GPRC6A: variants seen among roughly 807,000 people sequenced by gnomAD.
GPRC6A encodes G protein-coupled receptor class C group 6 member A, also known as G protein-coupled receptor family C group 6 member A.
GPRC6A carries 54 observed loss-of-function variants against 47.0 expected under a neutral mutation model. The ratio of observed to expected loss-of-function variants is 1.15; its 90% CI spans 0.92 to 1.44. The LOEUF (loss-of-function observed/expected upper bound fraction) is 1.44, where lower values mean the gene tolerates loss of function less well. GPRC6A is among the 40% of genes most tolerant of loss of function. The probability of loss-of-function intolerance (pLI) is 0.00; values close to 1 mark genes in which losing one functional copy is unlikely to be tolerated. For synonymous variants in GPRC6A, 347 were observed against 377.1 expected, an observed-to-expected ratio of 0.92 and a Z score of 0.93; for missense variants, 1,112 against 1,105.5, an observed-to-expected ratio of 1.01 and a Z score of -0.08.
intron 1 of GPRC6A, among the ~76,000 whole-genome samples, chr6:116,819,647 T>A (rs2114616379): frequency 6.6e-6 from 1 of 152,268 alleles, no homozygotes; most frequent in Admixed American, 6.5e-5. Flanking sequence ...ATAAAGATGT[T>A]CTTTGAAACC....
chr6:116,795,451 A>C (rs1562477991), intron 5 of GPRC6A, among the ~76,000 whole-genome samples: 1 of 152,172 alleles, frequency 6.6e-6, no homozygotes, highest in East Asian at 1.9e-4. Context: ...TGCATACTTT[A>C]AAAAATATGA....
chr6:116,823,635 C>A (rs1275839434), intron 1 of GPRC6A, among the ~76,000 whole-genome samples: 2 of 152,056 alleles, frequency 1.3e-5, no homozygotes, highest in African/African-American at 4.8e-5. Flanking sequence ...CCCCACCTCT[C>A]TGGTACCAAG....
intron 4 of GPRC6A, among the ~76,000 whole-genome samples, chr6:116,798,718 A>G (rs913569714): frequency 3.9e-5 from 6 of 151,946 alleles, no homozygotes; most frequent in Non-Finnish European, 7.4e-5. Context: ...CCTCGTCTCT[A>G]CTAAAAATAC....
intron 3 of GPRC6A, among the ~76,000 whole-genome samples, chr6:116,801,565 A>G (rs982691188): frequency 6.6e-6 from 1 of 152,160 alleles, no homozygotes; most frequent in African/African-American, 2.4e-5. Flanking sequence ...TTTGTTGGGT[A>G]TAAAATCTAT....
Position 116,801,758 on chromosome 6 carries a change from C to T in GPRC6A, c.1336-962G>A, listed in dbSNP as rs569252465. Among the ~76,000 whole-genome samples the T allele has an allele frequency of 1.1e-4, 17 of 152,176 alleles. No homozygotes were observed. The East Asian group carries it at 1.4e-3, about 12-fold the overall frequency. On this transcript the variant is annotated intron_variant, in intron 3 of 5. Transcript: ENST00000310357. ...AAATGTTACTTTAGCAGAATGTCTACGTGTGTGTATTTATGTCCCCACAGA... is the reference window on the plus strand; with the variant it reads ...AAATGTTACTTTAGCAGAATGTCTATGTGTGTGTATTTATGTCCCCACAGA...
intron 1 of GPRC6A, among the ~76,000 whole-genome samples, chr6:116,821,854 A>G (rs1773495236): frequency 6.6e-6 from 1 of 151,138 alleles, no homozygotes. Flanking sequence ...GCCAAAATTG[A>G]CAAATGGGAT....
chr6:116,806,312 G>T, intron 3 of GPRC6A, 58 bp downstream of exon 3: 1 of 1,068,902 alleles, frequency 9.4e-7, no homozygotes, highest in Non-Finnish European at 1.4e-6. Context: ...ATTAAAACAA[G>T]GGAGGAAATG....
chr6:116,808,679 C>G (rs1316448629), intron 2 of GPRC6A, among the ~76,000 whole-genome samples: 1 of 152,016 alleles, frequency 6.6e-6, no homozygotes, highest in Non-Finnish European at 1.5e-5. Context: ...AAGCCTTTTT[C>G]TTTTCTAACT....
chr6:116,816,970 G>A (rs1020498797), intron 1 of GPRC6A, among the ~76,000 whole-genome samples: 14 of 152,222 alleles, frequency 9.2e-5, no homozygotes, highest in African/African-American at 2.6e-4. Context: ...AGGGGCGCCC[G>A]CCATTGCCCA....
chr6:116,800,878 T>C (rs1343887603), intron 3 of GPRC6A, 82 bp from the exon 4 acceptor site: 2 of 793,576 alleles, frequency 2.5e-6, no homozygotes, highest in Admixed American at 2.2e-5. Context: ...CACTGCCTTA[T>C]AAAGCATATC....
chr6:116,798,852 T>C (rs960625808), intron 4 of GPRC6A, among the ~76,000 whole-genome samples: 1 of 145,984 alleles, frequency 6.9e-6, no homozygotes, highest in South Asian at 2.1e-4. Flanking sequence ...CACTGCATAC[T>C]AGCCTGGATG....
rs763243636 is a variant in GPRC6A, at chr6:116,792,649, G to A, written c.2274C>T (p.Tyr758=). ...SILAFGTMLG[Y]IAILAFICFI... is the part of the protein sequence containing the mutation. Reference sequence around the variant, plus strand: ...AGCAAATGAAGGCCAGGATGGCAATGTAGCCCAGCATGGTGCCAAATGCAA... The same window carrying A: ...AGCAAATGAAGGCCAGGATGGCAATATAGCCCAGCATGGTGCCAAATGCAA... Residue 758 remains tyrosine (Y), a synonymous_variant, in exon 6 of 6, where the codon TAC becomes TAT. Coordinates refer to ENST00000310357, the MANE Select transcript of GPRC6A (RefSeq NM_148963.4). 3.4e-5 allele frequency: 55 copies of A among 1,613,492 alleles called. No individual in the cohort carries two copies. Among genetic ancestry groups the A allele is most frequent in the African/African-American group, 8.0e-5 (6 of 74,912 alleles).
chr6:116,828,690 A>G (rs1038012784), intron 1 of GPRC6A, 130 bp downstream of exon 1: 4 of 720,964 alleles, frequency 5.5e-6, no homozygotes, highest in Admixed American at 6.3e-5. Context: ...AAGATTAACC[A>G]TATGCAACTT....
chr6:116,823,258 C>T (rs1582481401), intron 1 of GPRC6A, among the ~76,000 whole-genome samples: 1 of 152,224 alleles, frequency 6.6e-6, no homozygotes, highest in East Asian at 1.9e-4. Context: ...AAATTCTTGA[C>T]TGCTTTGCTG....
intron 1 of GPRC6A, among the ~76,000 whole-genome samples, chr6:116,820,937 C>T (rs911019189): frequency 1.4e-4 from 21 of 152,254 alleles, no homozygotes; most frequent in African/African-American, 4.6e-4. Context: ...TTGCAGATGA[C>T]ATGATTGTAT....
intron 1 of GPRC6A, among the ~76,000 whole-genome samples, chr6:116,820,611 A>G (rs1773433271): frequency 6.7e-6 from 1 of 149,832 alleles, no homozygotes; most frequent in East Asian, 2.0e-4. Flanking sequence ...CAAAAACCAC[A>G]TGATTATCTC....
At chr6:116,816,778 A>G (rs1773225797) in intron 1 of GPRC6A, among the ~76,000 whole-genome samples, 1 of 152,184 alleles carries the variant, frequency 6.6e-6, no homozygotes, top group Non-Finnish European at 1.5e-5. Context: ...GGGGAGACGG[A>G]CGCACCTGGA....
Position 116,792,198 on chromosome 6 carries a change from C to A in GPRC6A, c.2725G>T (p.Glu909Ter). Reference protein sequence around the residue: ...QAQAFAHICRENATSVSKTLP... With the variant: ...QAQAFAHICR ...GTTTTAGATACACTTGTGGCATTTT[C>A]CCTGCATATGTGTGCAAATGCTTGT... The change falls in exon 6 of 6, where the codon GAA (glutamate) becomes TAA (stop). Residue 909 changes from glutamate to a stop codon, truncating the protein, a stop_gained. Transcript: ENST00000310357. LOFTEE classifies it high-confidence loss of function. The A allele has an allele frequency of 6.2e-7, 1 of 1,613,950 alleles. No homozygotes were observed. The highest frequency in any genetic ancestry group is 8.5e-7 in the Non-Finnish European group (1 of 1,179,892).
At chr6:116,803,226 A>G (rs1040131658) in intron 3 of GPRC6A, among the ~76,000 whole-genome samples, 2 of 152,006 alleles carry the variant, frequency 1.3e-5, no homozygotes, top group African/African-American at 4.8e-5. Context: ...TTAAATATCC[A>G]TATATACATC....
Sources: allele counts gnomAD v4.1 joint callset (sites outside exome capture counted in the v4.1 genomes callset), GRCh38; gene constraint gnomAD v4.1.1; transcripts MANE v1.5; gene names NCBI Gene and HGNC (gene_info 2026-07-23, HGNC 2026-07-21).